The following WNT5A variants were observed in gnomAD, a reference collection of about 807,000 sequenced individuals.
WNT5A encodes the protein Wnt family member 5A.
In WNT5A, 9 loss-of-function variants were observed where a neutral mutation model predicts 42.1. That is an observed-to-expected ratio of 0.21 (90% CI 0.13 to 0.37). WNT5A has a LOEUF of 0.37. Among genes scored for constraint, WNT5A ranks in the 10% least tolerant of loss-of-function variants. WNT5A has a pLI of 1.00. For missense variants in WNT5A, 426 were observed against 534.0 expected (o/e 0.80, Z 1.99); for synonymous variants, 210 against 210.0 (o/e 1.00, Z 0.00).
At position 55,480,913 on chromosome 3, in the gene WNT5A, G is replaced by T; in HGVS notation, c.12C>A (p.Ser4=). 1.3e-6 allele frequency: 2 copies of T among 1,548,250 alleles called. No individual in the cohort carries two copies. Among genetic ancestry groups the T allele is most frequent in the Non-Finnish European group, 1.7e-6 (2 of 1,146,952 alleles). ...CAACTCCTGGGCTTAATATTCCAAT[G>T]GACTTCTGGAGAGGGAAGAAAGGAG... MKK[S]IGILSPGVAL... Residue 4 remains serine (S), a synonymous_variant, in exon 2 of 5, where the codon TCC becomes TCA. Coordinates refer to ENST00000264634, the MANE Select transcript of WNT5A (RefSeq NM_003392.7).
At chr3:55,477,107 C>T (rs2051371466) in intron 3 of WNT5A, among the ~76,000 whole-genome samples, 1 of 152,152 alleles carries the variant, frequency 6.6e-6, no homozygotes, top group Non-Finnish European at 1.5e-5. Context: ...AAGAATTATT[C>T]TCAATGTCCT....
rs1366836497 is a variant in WNT5A, at chr3:55,466,929, G to A, written c.*3163C>T. On this transcript the variant is annotated 3_prime_UTR_variant, in exon 5 of 5. Transcript: ENST00000264634. The stretch of plus-strand genomic sequence containing the variant: ...TTAAAAGGTTTCAATATGTTACAAG[G>A]TTATCCGGAAAGAGAAAAAGCAAAG... 6.6e-6 allele frequency: 1 copy of A among 152,376 alleles called. No homozygotes were observed. Among genetic ancestry groups the A allele is most frequent in the African/African-American group, 2.4e-5 (1 of 41,428 alleles). 9.4% of individuals were successfully genotyped at this position (152,376 alleles called of 1,614,324 possible). A position where few individuals can be genotyped will look rare whatever the true frequency, so the allele number is the denominator to read the frequency against.
At chr3:55,504,599 A>G in the WNT5A span, among the ~76,000 whole-genome samples, 7 of 151,896 alleles carry the variant, frequency 4.6e-5, no homozygotes, top group South Asian at 2.1e-4. Flanking sequence ...CGAGTAGCTG[A>G]GATTACAGGC....
intron 3 of WNT5A, among the ~76,000 whole-genome samples, chr3:55,475,943 G>C (rs1370523222): frequency 6.6e-6 from 1 of 152,144 alleles, no homozygotes; most frequent in Non-Finnish European, 1.5e-5. Flanking sequence ...GTGGGATTGG[G>C]GGGCAGGCTC....
chr3:55,484,304 C>T (rs892559769), intron 1 of WNT5A, among the ~76,000 whole-genome samples: 4 of 152,108 alleles, frequency 2.6e-5, no homozygotes, highest in African/African-American at 9.7e-5. Flanking sequence ...ACGTCCTGCC[C>T]TGGAGAATGC....
chr3:55,483,225 C>T lies in WNT5A; in HGVS notation c.7-2307G>A, dbSNP rs2051504154. Among the ~76,000 whole-genome samples the T allele has an allele frequency of 6.6e-6, 1 of 152,138 alleles. No individual in the cohort carries two copies. Among genetic ancestry groups the T allele is most frequent in the African/African-American group, 2.4e-5 (1 of 41,426 alleles). On this transcript the variant is annotated intron_variant, in intron 1 of 4. Transcript: ENST00000264634. The surrounding 1 kb of genome is among the most constrained non-coding windows in gnomAD (Gnocchi z 4.2). ...CACCAAGACTTGGGTCTCCCTGGCT[C>T]CAGGGTAGAGGTAGGCAGAGGGTGT...
chr3:55,478,678 A>T (rs545618375), intron 3 of WNT5A, among the ~76,000 whole-genome samples: 3 of 151,578 alleles, frequency 2.0e-5, no homozygotes, highest in South Asian at 4.2e-4. Flanking sequence ...AATACTCTTA[A>T]TTTTTTTTTC....
Position 55,479,298 on chromosome 3 carries a change from T to G in WNT5A, c.391+16A>C. 6.8e-7 allele frequency: 1 copy of G among 1,475,944 alleles called. No individual in the cohort carries two copies. Among genetic ancestry groups the G allele is most frequent in the Non-Finnish European group, 9.0e-7 (1 of 1,109,770 alleles). 91.4% of individuals were successfully genotyped at this position (1,475,944 alleles called of 1,614,324 possible). A position where few individuals can be genotyped will look rare whatever the true frequency, so the allele number is the denominator to read the frequency against. ...AAAGTTAATGTTTTAAAAAAATATT[T>G]TAAATGTTTTCCTACCTATCTGCAT... is the stretch of plus-strand genomic sequence containing the variant. On this transcript the variant is annotated intron_variant, in intron 3 of 4. Coordinates refer to ENST00000264634, the MANE Select transcript of WNT5A (RefSeq NM_003392.7).
chr3:55,486,237 G>T (rs1183543503), intron 1 of WNT5A, among the ~76,000 whole-genome samples: 1 of 152,186 alleles, frequency 6.6e-6, no homozygotes, highest in Admixed American at 6.5e-5. Context: ...CTGTCCCGGA[G>T]TACGGGATTA....
upstream of WNT5A, among the ~76,000 whole-genome samples, chr3:55,492,352 C>T (rs2051669844): frequency 1.3e-5 from 2 of 152,148 alleles, no homozygotes; most frequent in South Asian, 4.2e-4. Flanking sequence ...GTAGTGGTCA[C>T]CTACCCTTTT....
rs2051180879 is a variant in WNT5A, at chr3:55,468,205, T to C, written c.*1887A>G. ...ATTCCTTAGGGACTCAATTAATAAG[T>C]ACTGTCATTTCTAATAGGCATGGGT... On this transcript the variant is annotated 3_prime_UTR_variant, in exon 5 of 5. Coordinates refer to ENST00000264634, the MANE Select transcript of WNT5A (RefSeq NM_003392.7). 6.6e-6 allele frequency: 1 copy of C among 150,558 alleles called. No individual in the cohort carries two copies. Among genetic ancestry groups the C allele is most frequent in the South Asian group, 2.1e-4 (1 of 4,760 alleles). The allele number at this position is 150,558 out of a possible 1,614,324, so 9.3% of individuals were successfully genotyped here. A position where few individuals can be genotyped will look rare whatever the true frequency, so the allele number is the denominator to read the frequency against.
chr3:55,471,724 T>A (rs1197990624), intron 4 of WNT5A, among the ~76,000 whole-genome samples: 1 of 152,226 alleles, frequency 6.6e-6, no homozygotes, highest in Non-Finnish European at 1.5e-5. Context: ...CCCAGCAGTC[T>A]GGGAGGTGGT....
chr3:55,491,485 AT>A (rs1297324512), upstream of WNT5A, among the ~76,000 whole-genome samples: 1 of 152,154 alleles, frequency 6.6e-6, no homozygotes, highest in Non-Finnish European at 1.5e-5. Flanking sequence ...ATAAATCAAT[AT>A]TTTTGGCTGC....
Position 55,479,441 on chromosome 3 carries a change from G to A in WNT5A, c.264C>T (p.Asp88=), listed in dbSNP as rs756458693. Residue 88 remains aspartate (D), a synonymous_variant, in exon 3 of 5, where the codon GAC becomes GAT. Transcript: ENST00000264634. The part of the protein sequence containing the change: ...GQKKLCHLYQ[D]HMQYIGEGAK... ...CGCCTTCTCCGATGTACTGCATGTGGTCCTGATACAAGTGGCACAGTTTCT... is the reference window on the plus strand; with the variant it reads ...CGCCTTCTCCGATGTACTGCATGTGATCCTGATACAAGTGGCACAGTTTCT... The A allele has an allele frequency of 9.9e-6, 16 of 1,613,856 alleles. No homozygotes were observed. The Admixed American group carries it at 1.0e-4, about 10-fold the overall frequency.
chr3:55,494,802 G>A (rs2051698661), upstream of WNT5A, among the ~76,000 whole-genome samples: 1 of 152,206 alleles, frequency 6.6e-6, no homozygotes, highest in Non-Finnish European at 1.5e-5. Flanking sequence ...CTCCCAAAGT[G>A]CTGGGATTAC....
rs976018024 is a variant in WNT5A, at chr3:55,468,105, T to C, written c.*1987A>G. The C allele has an allele frequency of 6.7e-6, 1 of 149,936 alleles. No individual in the cohort carries two copies. The highest frequency in any genetic ancestry group is 1.5e-5 in the Non-Finnish European group (1 of 67,766). 9.3% of individuals were successfully genotyped at this position (149,936 alleles called of 1,614,324 possible). ...ACGTAAGTCTGAGATAAGAACATAT[T>C]TGATGGCACTGTTTGGAAAGAGGTG... On this transcript the variant is annotated 3_prime_UTR_variant, in exon 5 of 5. Transcript: ENST00000264634.
At chr3:55,471,127 A>G (rs1559552302) in intron 4 of WNT5A, among the ~76,000 whole-genome samples, 1 of 152,172 alleles carries the variant, frequency 6.6e-6, no homozygotes, top group Non-Finnish European at 1.5e-5. Context: ...TCAGGGTTCA[A>G]ATCTTAACCC....
chr3:55,477,539 G>A (rs866725674), intron 3 of WNT5A, among the ~76,000 whole-genome samples: 14 of 152,240 alleles, frequency 9.2e-5, no homozygotes, highest in Admixed American at 7.2e-4. Flanking sequence ...ACTTCCCATC[G>A]ACCCAGACAG....
chr3:55,478,112 T>C (rs1481090622), intron 3 of WNT5A, among the ~76,000 whole-genome samples: 4 of 152,192 alleles, frequency 2.6e-5, no homozygotes, highest in Non-Finnish European at 4.4e-5. Flanking sequence ...TCCCAGTATA[T>C]ACATTAGCAC....
Sources: allele counts gnomAD v4.1 joint callset (sites outside exome capture counted in the v4.1 genomes callset), GRCh38; gene constraint gnomAD v4.1.1; non-coding constraint Gnocchi (gnomAD v3.1); transcripts MANE v1.5; gene names NCBI Gene and HGNC (gene_info 2026-07-23, HGNC 2026-07-21).